Variants in SLC30A5 observed in about 807,000 individuals in gnomAD.
SLC30A5 encodes the protein proton-coupled zinc antiporter SLC30A5.
SLC30A5 carries 33 observed loss-of-function variants against 79.6 expected under a neutral mutation model. The observed-to-expected ratio is 0.41, with a 90% CI of 0.31 to 0.55. The LOEUF (loss-of-function observed/expected upper bound fraction) is 0.55. Ranked by LOEUF, SLC30A5 falls within the 20% of genes least tolerant of loss-of-function variation. The pLI is 0.20. For missense variants in SLC30A5, 788 were observed against 928.1 expected (o/e 0.85, Z 1.96); for synonymous variants, 299 against 319.7 (o/e 0.94, Z 0.69).
At chr5:69,113,424 G>C in intron 6 of SLC30A5, 197 bp downstream of exon 6, 1 of 454,856 alleles carries the variant, frequency 2.2e-6, no homozygotes. Flanking sequence ...TAGCATCTCT[G>C]TATCACCTAC....
chr5:69,104,426 G>C, intron 3 of SLC30A5: 1 of 1,310,850 alleles, frequency 7.6e-7, no homozygotes, highest in Non-Finnish European at 9.7e-7. Context: ...ACAGGCATGA[G>C]CCACAGCACC....
At chr5:69,108,275 TA>T in intron 4 of SLC30A5, 73 bp from the exon 5 acceptor site, 1 of 1,147,678 alleles carries the variant, frequency 8.7e-7, no homozygotes, top group Non-Finnish European at 1.3e-6. Flanking sequence ...TTTCTTTCTC[TA>T]ACTCTAGTTG....
chr5:69,116,089 T>C lies in SLC30A5; in HGVS notation c.947T>C (p.Phe316Ser). 6.2e-7 allele frequency: 1 copy of C among 1,614,208 alleles called. No individual in the cohort carries two copies. Among genetic ancestry groups the C allele is most frequent in the Non-Finnish European group, 8.5e-7 (1 of 1,180,028 alleles). Reference sequence around the variant, plus strand: ...CCCATTTTTATTAGTGCTCTCCTTTTTGGAAATTTTTGGACACATCCAATA... The same window carrying C: ...CCCATTTTTATTAGTGCTCTCCTTTCTGGAAATTTTTGGACACATCCAATA... The part of the protein sequence containing the change: ...SFPIFISALL[F>S]GNFWTHPITD... The change falls in exon 9 of 16, where the codon TTT becomes TCT. Residue 316 changes from phenylalanine to serine, a missense_variant. Phe to Ser is a radical substitution (Grantham distance 155). Coordinates refer to ENST00000396591, the MANE Select transcript of SLC30A5 (RefSeq NM_022902.5). This position sits in a 1 kb window ranked among gnomAD's most constrained non-coding sequence, Gnocchi z 4.0.
chr5:69,106,889 A>G (rs1397754598), intron 4 of SLC30A5, among the ~76,000 whole-genome samples: 1 of 150,288 alleles, frequency 6.7e-6, no homozygotes, highest in African/African-American at 2.5e-5. Flanking sequence ...TTTTGGAGAC[A>G]GGATCTTGCT....
At chr5:69,103,596 AT>A (rs1745993534) in intron 3 of SLC30A5, among the ~76,000 whole-genome samples, 1 of 152,214 alleles carries the variant, frequency 6.6e-6, no homozygotes, top group Admixed American at 6.5e-5. Flanking sequence ...TAAAATGGAG[AT>A]AACAGTAACT....
chr5:69,094,302 G>A lies in SLC30A5; in HGVS notation c.47G>A (p.Gly16Asp). The change falls in exon 1 of 16, where the codon GGC becomes GAC. Residue 16 changes from glycine (G) to aspartate (D), a missense_variant. By Grantham distance (94) the Gly-to-Asp change is moderately conservative (BLOSUM62 -1). Around this residue, in one of 3 missense-constraint regions of SLC30A5, gnomAD observed 626 missense variants for 755.5 expected, o/e 0.83. Coordinates refer to ENST00000396591, the MANE Select transcript of SLC30A5 (RefSeq NM_022902.5). ...GACGTGCTGGCCGGCCCCGGCGGCGGCGGCGGCCTTGGGCCGGTGGACGTA... is the reference window on the plus strand; with the variant it reads ...GACGTGCTGGCCGGCCCCGGCGGCGACGGCGGCCTTGGGCCGGTGGACGTA... Reference protein sequence around the residue: ...GGDVLAGPGGGGGLGPVDVPS... With the variant: ...GGDVLAGPGGDGGLGPVDVPS... The A allele has an allele frequency of 7.9e-7, 1 of 1,260,090 alleles. No homozygotes were observed. Among genetic ancestry groups the A allele is most frequent in the African/African-American group, 1.5e-5 (1 of 64,714 alleles). The allele number at this position is 1,260,090 out of a possible 1,614,324, so 78.1% of individuals were successfully genotyped here. A position where few individuals can be genotyped will look rare whatever the true frequency, so the allele number is the denominator to read the frequency against.
At position 69,100,798 on chromosome 5, in the gene SLC30A5, A is replaced by C. The variant is rs774231733; in HGVS notation, c.84-9A>C. On this transcript the variant is annotated splice_polypyrimidine_tract_variant and intron_variant, in intron 1 of 15. Transcript: ENST00000396591. ...GATACTAAAAATTGTTTCTGCTTTT[A>C]TTTTTCAGATTAACAAAATATATTG... is the stretch of plus-strand genomic sequence containing the variant. 8.2e-6 allele frequency: 13 copies of C among 1,583,128 alleles called. No homozygotes were observed. The East Asian group carries it at 2.9e-4, about 35-fold the overall frequency.
chr5:69,116,172 CTG>C lies in SLC30A5; in HGVS notation c.1032_1033del (p.Ser345TrpfsTer22). The C allele has an allele frequency of 6.2e-7, 1 of 1,614,094 alleles. No individual in the cohort carries two copies. The highest frequency in any genetic ancestry group is 8.5e-7 in the Non-Finnish European group (1 of 1,180,010). On this transcript the variant is annotated frameshift_variant, in exon 9 of 16. Transcript: ENST00000396591. LOFTEE classifies it high-confidence loss of function. The surrounding 1 kb of genome is among the most constrained non-coding windows in gnomAD (Gnocchi z 4.0). ...ACACCAGGAGAGCACTGAACACGTC[CTG>C]TCTGGAGGAGTGGTAGTGAGTGCTA... The part of the protein sequence containing the change: ...AAHQESTEHV[L>X]SGGVVVSAIF...
rs1746580855 is a variant in SLC30A5 at position 69,123,182 on chromosome 5, A to G, written c.1772-17A>G. ...ATGTGCCTTAATTTTTAATGTCCTTATATATTTTATTTGTAGGTGTATTTC... is the reference window on the plus strand; with the variant it reads ...ATGTGCCTTAATTTTTAATGTCCTTGTATATTTTATTTGTAGGTGTATTTC... On this transcript the variant is annotated splice_polypyrimidine_tract_variant and intron_variant, in intron 13 of 15. Coordinates refer to ENST00000396591, the MANE Select transcript of SLC30A5 (RefSeq NM_022902.5). The G allele has an allele frequency of 6.5e-7, 1 of 1,544,146 alleles. No individual in the cohort carries two copies.
chr5:69,110,895 TAA>T (rs540414779), intron 5 of SLC30A5, among the ~76,000 whole-genome samples: 5 of 150,808 alleles, frequency 3.3e-5, no homozygotes, highest in African/African-American at 1.2e-4. Flanking sequence ...TGAAAACATT[TAA>T]AAAAAAAGTT....
Position 69,116,304 on chromosome 5 carries a change from A to G in SLC30A5, c.1072+90A>G. ...ATTTACTTATTTTGGGAAATTCTTC[A>G]GTGCTTGCATTTAGTGCCGACAGTT... On this transcript the variant is annotated intron_variant, in intron 9 of 15. Coordinates refer to ENST00000396591, the MANE Select transcript of SLC30A5 (RefSeq NM_022902.5). The surrounding 1 kb of genome is among the most constrained non-coding windows in gnomAD (Gnocchi z 4.0). 1 of 1,498,484 alleles carries G rather than the reference A, an allele frequency of 6.7e-7. No individual in the cohort carries two copies. The highest frequency in any genetic ancestry group is 9.0e-7 in the Non-Finnish European group (1 of 1,117,300). 92.8% of individuals were successfully genotyped at this position (1,498,484 alleles called of 1,614,324 possible).
intron 15 of SLC30A5, 98 bp downstream of exon 15, chr5:69,128,230 G>T: frequency 5.5e-5 from 34 of 622,438 alleles, no homozygotes; most frequent in Non-Finnish European, 7.6e-5. Context: ...TTACTATTCA[G>T]AAATATCAAT....
chr5:69,098,934 C>T (rs1247760579), intron 1 of SLC30A5, among the ~76,000 whole-genome samples: 1 of 152,092 alleles, frequency 6.6e-6, no homozygotes, highest in African/African-American at 2.4e-5. Context: ...CATAAAAATA[C>T]CCACAATTAA....
rs1439830099 is a variant in SLC30A5 at position 69,129,896 on chromosome 5, TG to T, written c.*280del. 1 of 218,632 alleles carries T rather than the reference TG, an allele frequency of 4.6e-6. No individual in the cohort carries two copies. The allele number at this position is 218,632 out of a possible 1,614,324, so 13.5% of individuals were successfully genotyped here. A position where few individuals can be genotyped will look rare whatever the true frequency, so the allele number is the denominator to read the frequency against. On this transcript the variant is annotated 3_prime_UTR_variant, in exon 16 of 16. Transcript: ENST00000396591. ...CAAAAATAGATATGATGGATTCTAG[TG>T]AAGACCAAAATTACTTCTGTTTACT...
chr5:69,107,905 G>A (rs1362344981), intron 4 of SLC30A5, among the ~76,000 whole-genome samples: 1 of 152,040 alleles, frequency 6.6e-6, no homozygotes, highest in Non-Finnish European at 1.5e-5. Context: ...GCCAATTTTT[G>A]TATTTTTAGT....
chr5:69,103,006 G>A (rs772011803), intron 2 of SLC30A5, 56 bp from the exon 3 acceptor site: 363 of 857,906 alleles, frequency 4.2e-4, no homozygotes, highest in Non-Finnish European at 5.8e-4. Context: ...ACTTAAAACT[G>A]TATCTTGTGT....
At chr5:69,107,325 TGG>T (rs1746105233) in intron 4 of SLC30A5, among the ~76,000 whole-genome samples, 1 of 152,236 alleles carries the variant, frequency 6.6e-6, no homozygotes, top group Non-Finnish European at 1.5e-5. Context: ...TGCCTTCTTC[TGG>T]GGTACCTCCT....
chr5:69,125,854 G>A (rs1746668624), intron 14 of SLC30A5, among the ~76,000 whole-genome samples: 2 of 99,920 alleles, frequency 2.0e-5, no homozygotes, highest in Admixed American at 2.4e-4. Context: ...CCGGGCCACA[G>A]AGCGAGACTC....
chr5:69,100,206 G>A (rs1745869644), intron 1 of SLC30A5, among the ~76,000 whole-genome samples: 1 of 152,104 alleles, frequency 6.6e-6, no homozygotes, highest in East Asian at 1.9e-4. Flanking sequence ...GACTTCAGGT[G>A]ATCCACCCAC....
Sources: allele counts gnomAD v4.1 joint callset (sites outside exome capture counted in the v4.1 genomes callset), GRCh38; gene constraint gnomAD v4.1.1; regional missense constraint gnomAD v4.1.1; non-coding constraint Gnocchi (gnomAD v3.1); transcripts MANE v1.5; gene names NCBI Gene and HGNC (gene_info 2026-07-23, HGNC 2026-07-21).